The following PSMD14 variants were observed in gnomAD, a reference collection of about 807,000 sequenced individuals.
PSMD14 encodes proteasome 26S subunit, non-ATPase 14.
In PSMD14, 7 loss-of-function variants were observed where a neutral mutation model predicts 41.2. That is an observed-to-expected ratio of 0.17 (90% confidence interval 0.10 to 0.32). PSMD14 has a LOEUF of 0.32. PSMD14 is among the 10% of genes least tolerant of loss of function. PSMD14 has a pLI of 1.00. For synonymous variants in PSMD14, 114 were observed against 122.3 expected, an observed-to-expected ratio of 0.93 and a Z score of 0.45; for missense variants, 139 against 375.6, an observed-to-expected ratio of 0.37 and a Z score of 5.21.
rs1290621252 is a variant in PSMD14, at chr2:161,411,307, C to G, written c.840C>G (p.Pro280=). ...LAIKNVGKQD[P]KRHLEEHVDV... Reference sequence around the variant, plus strand: ...CCTCATTTTTGTTCTTTTAGGACCCCAAACGTCATTTGGAGGAACATGTGG... The same window carrying G: ...CCTCATTTTTGTTCTTTTAGGACCCGAAACGTCATTTGGAGGAACATGTGG... The change falls in exon 12 of 12, where the codon CCC becomes CCG. Residue 280 remains proline (P), a synonymous_variant. Transcript: ENST00000409682. 2 of 1,603,676 alleles carry G rather than the reference C, an allele frequency of 1.2e-6. No individual in the cohort carries two copies. Among genetic ancestry groups the G allele is most frequent in the Non-Finnish European group, 1.7e-6 (2 of 1,174,666 alleles).
intron 8 of PSMD14, among the ~76,000 whole-genome samples, chr2:161,388,553 C>T (rs1323708797): frequency 1.3e-5 from 2 of 152,096 alleles, no homozygotes; most frequent in Admixed American, 1.3e-4. Context: ...CCTTCTGCAA[C>T]TCAGTTCTCC....
intron 10 of PSMD14, among the ~76,000 whole-genome samples, chr2:161,403,954 C>T (rs1032409125): frequency 1.1e-4 from 16 of 151,686 alleles, no homozygotes; most frequent in Non-Finnish European, 1.8e-4. Flanking sequence ...GTTGCCTAGG[C>T]GGGCTGCATG....
At chr2:161,408,999 T>C (rs1466856610) in intron 11 of PSMD14, 100 bp downstream of exon 11, 21 of 866,122 alleles carry the variant, frequency 2.4e-5, no homozygotes, top group Middle Eastern at 2.3e-4. Context: ...CTGTCCACTC[T>C]ATGTTTTTCT....
chr2:161,319,200 T>C (rs1689176175), intron 3 of PSMD14, among the ~76,000 whole-genome samples: 1 of 152,092 alleles, frequency 6.6e-6, no homozygotes, highest in East Asian at 1.9e-4. Context: ...GTGTAAACTT[T>C]AGATGTAACA....
chr2:161,373,560 C>T (rs1683466956), intron 7 of PSMD14, among the ~76,000 whole-genome samples: 1 of 151,832 alleles, frequency 6.6e-6, no homozygotes, highest in Admixed American at 6.6e-5. Context: ...GGAATATAAA[C>T]TTATAAAAAT....
rs11675219 is a variant in PSMD14 at position 161,349,882 on chromosome 2, A to G, written c.49-17596A>G. 9.5e-3 allele frequency among the ~76,000 whole-genome samples: 1,440 copies of G among 152,306 alleles called. 9 individuals carry two copies. Among genetic ancestry groups the G allele is most frequent in the Non-Finnish European group, 0.014 (945 of 68,026 alleles). The stretch of plus-strand genomic sequence containing the variant: ...TGTATTTGTTGATTAATGAATAATT[A>G]TGTTAGCATTTGGAGAGAGAAGATA... On this transcript the variant is annotated intron_variant, in intron 3 of 11. Transcript: ENST00000409682.
intron 3 of PSMD14, among the ~76,000 whole-genome samples, chr2:161,336,938 T>G (rs781674139): frequency 2.8e-4 from 42 of 152,220 alleles, no homozygotes; most frequent in Non-Finnish European, 4.1e-4. Context: ...TAAGTTTTCC[T>G]TGACTTCATT....
At chr2:161,403,758 T>C (rs1683912500) in intron 10 of PSMD14, among the ~76,000 whole-genome samples, 1 of 152,054 alleles carries the variant, frequency 6.6e-6, no homozygotes, top group South Asian at 2.1e-4. Flanking sequence ...GAAGCACTCC[T>C]TACTACTATA....
intron 8 of PSMD14, among the ~76,000 whole-genome samples, chr2:161,390,444 G>A (rs888896394): frequency 6.6e-6 from 1 of 152,066 alleles, no homozygotes; most frequent in Non-Finnish European, 1.5e-5. Context: ...TTGATTTCAG[G>A]ACATCCAGGA....
chr2:161,383,218 A>G (rs1683590611), intron 7 of PSMD14: 1 of 152,058 alleles, frequency 6.6e-6, no homozygotes, highest in Admixed American at 6.6e-5. Flanking sequence ...AATGTAGACT[A>G]TATTGCCATG....
chr2:161,362,113 C>A (rs773099582), intron 3 of PSMD14, among the ~76,000 whole-genome samples: 3 of 152,216 alleles, frequency 2.0e-5, no homozygotes, highest in Admixed American at 1.3e-4. Flanking sequence ...GTTGCCCAGG[C>A]TGGAGTGCAG....
At chr2:161,326,229 C>T (rs533860288) in intron 3 of PSMD14, among the ~76,000 whole-genome samples, 11 of 152,070 alleles carry the variant, frequency 7.2e-5, no homozygotes, top group Admixed American at 2.6e-4. Flanking sequence ...CAGGGTTTCA[C>T]CATGTTGGCC....
rs955273188 is a variant in PSMD14, at chr2:161,369,379, A to C, written c.241-728A>C. On this transcript the variant is annotated intron_variant, in intron 5 of 11. Transcript: ENST00000409682. ...TTCTTTTTTAAGACAGTCCTTTTAAAGTATATATATGAAAAGAAAGAAAAA... is the reference window on the plus strand; with the variant it reads ...TTCTTTTTTAAGACAGTCCTTTTAACGTATATATATGAAAAGAAAGAAAAA... Among the ~76,000 whole-genome samples, 26 of 151,984 alleles carry C rather than the reference A, an allele frequency of 1.7e-4. 1 individual carries two copies. The highest frequency in any genetic ancestry group is 1.7e-3 in the Admixed American group (26 of 15,242).
In PSMD14 at chr2:161,341,380, G is replaced by A. The variant is rs1183238230; in HGVS notation, c.48+22507G>A. The A allele has an allele frequency of 8.0e-6, 7 of 878,888 alleles. No individual in the cohort carries two copies. In the South Asian group the frequency reaches 2.6e-4, roughly 33 times the overall value. 54.4% of individuals were successfully genotyped at this position (878,888 alleles called of 1,614,324 possible). A position where few individuals can be genotyped will look rare whatever the true frequency, so the allele number is the denominator to read the frequency against. On this transcript the variant is annotated intron_variant, in intron 3 of 11. Transcript: ENST00000409682. ...CTGCGACCCCGAGGGATCCCGCCGC[G>A]CCCCGTCCTTTGTTAATGAATTTTA...
intron 2 of PSMD14, 75 bp from the exon 3 acceptor site, chr2:161,318,747 G>A (rs1252088274): frequency 6.1e-6 from 7 of 1,148,776 alleles, no homozygotes; most frequent in Non-Finnish European, 6.4e-6. Flanking sequence ...AGTGACTGAA[G>A]GTGAATTATA....
chr2:161,324,492 GAATA>G (rs1682664515), intron 3 of PSMD14, among the ~76,000 whole-genome samples: 1 of 152,282 alleles, frequency 6.6e-6, no homozygotes, highest in African/African-American at 2.4e-5. Context: ...AAAGGCTAGA[GAATA>G]GATACATAAG....
chr2:161,371,346 G>A (rs1683431219), intron 7 of PSMD14, 24 bp downstream of exon 7: 41 of 1,584,852 alleles, frequency 2.6e-5, no homozygotes, highest in Non-Finnish European at 3.4e-5. Context: ...TATCTTTATT[G>A]CCATCTACTG....
chr2:161,380,793 G>A (rs1404651530), intron 7 of PSMD14, among the ~76,000 whole-genome samples: 2 of 152,006 alleles, frequency 1.3e-5, no homozygotes, highest in African/African-American at 4.8e-5. Context: ...TTTTTATGCT[G>A]TGGGCTTACA....
chr2:161,324,650 A>G (rs1682667789), intron 3 of PSMD14, among the ~76,000 whole-genome samples: 1 of 148,740 alleles, frequency 6.7e-6, no homozygotes. Context: ...TTTTTTTTGA[A>G]GTATGAAGAT....
Sources: allele counts gnomAD v4.1 joint callset (sites outside exome capture counted in the v4.1 genomes callset), GRCh38; gene constraint gnomAD v4.1.1; transcripts MANE v1.5; gene names NCBI Gene and HGNC (gene_info 2026-07-23, HGNC 2026-07-21).